The following FGF2 variants were observed in gnomAD, a reference collection of about 807,000 sequenced individuals.
FGF2 encodes fibroblast growth factor 2.
Under a neutral mutation model 15.9 loss-of-function variants are expected in FGF2, and 13 were observed. The ratio of observed to expected loss-of-function variants is 0.82; its 90% CI spans 0.53 to 1.30. The LOEUF (loss-of-function observed/expected upper bound fraction) is 1.30, where lower values mean the gene tolerates loss of function less well. FGF2 is among the 50% of genes most tolerant of loss of function. The pLI is 0.00. For missense variants in FGF2, 163 were observed against 196.9 expected (o/e 0.83, Z 1.03); for synonymous variants, 90 against 78.4 (o/e 1.15, Z -0.78).
chr4:122,885,361 A>G (rs1346520484), intron 2 of FGF2, among the ~76,000 whole-genome samples: 2 of 152,226 alleles, frequency 1.3e-5, no homozygotes, highest in African/African-American at 2.4e-5. Flanking sequence ...TGCTGTTGAC[A>G]GTCTGGTGAA....
At chr4:122,843,252 G>T (rs924847286) in intron 1 of FGF2, among the ~76,000 whole-genome samples, 4 of 152,188 alleles carry the variant, frequency 2.6e-5, no homozygotes, top group Non-Finnish European at 5.9e-5. Context: ...GTAGATGTTT[G>T]CCAGGCAGAC....
chr4:122,849,634 G>T (rs1368796367), intron 1 of FGF2, among the ~76,000 whole-genome samples: 2 of 152,136 alleles, frequency 1.3e-5, no homozygotes, highest in African/African-American at 4.8e-5. Flanking sequence ...ACTAAATGGT[G>T]AGCTTAGCTT....
chr4:122,891,020 T>C, intron 2 of FGF2, among the ~76,000 whole-genome samples: 1 of 128,124 alleles, frequency 7.8e-6, no homozygotes, highest in Admixed American at 7.6e-5. Flanking sequence ...GAACAATTTA[T>C]CTTTTTTTTT....
chr4:122,866,603 C>T (rs974018510), intron 1 of FGF2, among the ~76,000 whole-genome samples: 1 of 152,078 alleles, frequency 6.6e-6, no homozygotes, highest in Non-Finnish European at 1.5e-5. Context: ...TATTACCCAT[C>T]GAAGAAATGC....
upstream of FGF2, chr4:122,826,709 G>A (rs753275484): frequency 1.4e-4 from 174 of 1,255,452 alleles, no homozygotes; most frequent in African/African-American, 1.7e-3. Context: ...CTCAGAGGCC[G>A]GCCCCAGAAA....
At position 122,897,488 on chromosome 4, in the gene FGF2, T is replaced by C. The variant is rs1727398088; in HGVS notation, c.*5092T>C. ...GCTGCTAATTATATCAGCTCTGAGG[T>C]AATTTCTGAAATGTTCAGACTCAGT... On this transcript the variant is annotated 3_prime_UTR_variant, in exon 3 of 3. Coordinates refer to ENST00000644866, the MANE Select transcript of FGF2 (RefSeq NM_001361665.2). The C allele has an allele frequency of 1.2e-5, 8 of 681,284 alleles. No homozygotes were observed. Among genetic ancestry groups the C allele is most frequent in the Admixed American group, 1.1e-4 (4 of 37,678 alleles). 42.2% of individuals were successfully genotyped at this position (681,284 alleles called of 1,614,324 possible). A position where few individuals can be genotyped will look rare whatever the true frequency, so the allele number is the denominator to read the frequency against.
chr4:122,871,913 A>G (rs1726744687), intron 1 of FGF2, among the ~76,000 whole-genome samples: 1 of 13,632 alleles, frequency 7.3e-5, no homozygotes. Flanking sequence ...AAAGATGAGA[A>G]AGAAATCAAC....
chr4:122,868,644 G>A (rs1381727390), intron 1 of FGF2, among the ~76,000 whole-genome samples: 1 of 152,172 alleles, frequency 6.6e-6, no homozygotes, highest in Non-Finnish European at 1.5e-5. Flanking sequence ...CCAGTAATGA[G>A]ATTGCTGGGT....
chr4:122,871,861 C>A (rs1340439015), intron 1 of FGF2, among the ~76,000 whole-genome samples: 1 of 149,716 alleles, frequency 6.7e-6, no homozygotes, highest in East Asian at 1.9e-4. Context: ...AAACCCCATT[C>A]AAGGGTCAGC....
intron 1 of FGF2, among the ~76,000 whole-genome samples, chr4:122,860,954 A>G (rs1302166656): frequency 6.6e-6 from 1 of 152,212 alleles, no homozygotes; most frequent in Non-Finnish European, 1.5e-5. Context: ...TACTGTCTGC[A>G]AATAATAACT....
chr4:122,885,251 T>C (rs1418154467), intron 2 of FGF2, among the ~76,000 whole-genome samples: 1 of 152,256 alleles, frequency 6.6e-6, no homozygotes, highest in Non-Finnish European at 1.5e-5. Flanking sequence ...TCTGAAAAAG[T>C]TCCATTTGTT....
At chr4:122,872,785 A>G (rs1256748256) in intron 1 of FGF2, among the ~76,000 whole-genome samples, 1 of 152,234 alleles carries the variant, frequency 6.6e-6, no homozygotes, top group Non-Finnish European at 1.5e-5. Context: ...AACCTTCAAA[A>G]GCGAAGGAGA....
chr4:122,896,299 C>A lies in FGF2; in HGVS notation c.*3903C>A, dbSNP rs749470526. 2.0e-5 allele frequency: 3 copies of A among 152,042 alleles called. No homozygotes were observed. The highest frequency in any genetic ancestry group is 4.4e-5 in the Non-Finnish European group (3 of 67,940). The allele number at this position is 152,042 out of a possible 1,614,324, so 9.4% of individuals were successfully genotyped here. A position where few individuals can be genotyped will look rare whatever the true frequency, so the allele number is the denominator to read the frequency against. On this transcript the variant is annotated 3_prime_UTR_variant, in exon 3 of 3. Transcript: ENST00000644866. ...ATATTTGGCTTGGAAATGTGTTTTT[C>A]TTCAATTACATCTACAAGTAAGTAC...
chr4:122,853,988 A>G (rs1017778420), intron 1 of FGF2, among the ~76,000 whole-genome samples: 1 of 152,220 alleles, frequency 6.6e-6, no homozygotes, highest in Non-Finnish European at 1.5e-5. Flanking sequence ...TGCTGCGTCT[A>G]GAGAGGAGCT....
At chr4:122,864,276 C>G (rs961418252) in intron 1 of FGF2, among the ~76,000 whole-genome samples, 11 of 152,038 alleles carry the variant, frequency 7.2e-5, no homozygotes, top group Admixed American at 5.9e-4. Flanking sequence ...ATATCTTGTT[C>G]ACCATCTTAC....
chr4:122,890,533 A>G (rs1304832735), intron 2 of FGF2, among the ~76,000 whole-genome samples: 1 of 152,230 alleles, frequency 6.6e-6, no homozygotes, highest in Non-Finnish European at 1.5e-5. Flanking sequence ...AGGATCTAAT[A>G]CCACACCCTT....
intron 2 of FGF2, among the ~76,000 whole-genome samples, chr4:122,891,858 T>G (rs1273563645): frequency 2.0e-5 from 3 of 152,214 alleles, no homozygotes; most frequent in Non-Finnish European, 4.4e-5. Context: ...TGCTGGGAGC[T>G]ATAGCTTTGG....
intron 1 of FGF2, among the ~76,000 whole-genome samples, chr4:122,856,115 T>G (rs1029661710): frequency 3.3e-5 from 5 of 152,178 alleles, no homozygotes; most frequent in African/African-American, 1.2e-4. Flanking sequence ...TTCAAAACAT[T>G]TTACATATTT....
intron 1 of FGF2, among the ~76,000 whole-genome samples, chr4:122,844,108 C>G (rs1326516832): frequency 1.3e-5 from 2 of 152,226 alleles, no homozygotes; most frequent in Non-Finnish European, 2.9e-5. Flanking sequence ...TAGAGGCAAA[C>G]TCTTCAAACC....
Sources: gnomAD v4.1 joint callset for allele counts (sites outside exome capture counted in the v4.1 genomes callset) on GRCh38, gnomAD v4.1.1 for gene constraint, MANE v1.5 for transcripts, NCBI Gene and HGNC (gene_info 2026-07-23, HGNC 2026-07-21) for gene names.